PIP5K1A: variants seen among roughly 807,000 people sequenced by gnomAD.
PIP5K1A encodes the protein phosphatidylinositol 4-phosphate 5-kinase type-1 alpha.
Under a neutral mutation model 72.9 loss-of-function variants are expected in PIP5K1A, and 46 were observed. The ratio of observed to expected loss-of-function variants is 0.63; its 90% CI spans 0.50 to 0.81. PIP5K1A has a LOEUF of 0.81. Among genes scored for constraint, PIP5K1A ranks in the 30% least tolerant of loss-of-function variants. The probability of loss-of-function intolerance (pLI) is 0.00; values close to 1 mark genes in which losing one functional copy is unlikely to be tolerated. For synonymous variants in PIP5K1A, 228 were observed against 255.1 expected, an observed-to-expected ratio of 0.89 and a Z score of 1.01; for missense variants, 458 against 706.1, an observed-to-expected ratio of 0.65 and a Z score of 3.98.
intron 12 of PIP5K1A, among the ~76,000 whole-genome samples, chr1:151,241,062 C>G (rs1320226343): frequency 6.6e-6 from 1 of 152,084 alleles, no homozygotes; most frequent in African/African-American, 2.4e-5. Context: ...ACTCAGGAGG[C>G]TGAGGCAGGA....
At chr1:151,234,171 A>G in intron 7 of PIP5K1A, 26 bp from the exon 8 acceptor site, 10 of 1,556,878 alleles carry the variant, frequency 6.4e-6, no homozygotes, top group Non-Finnish European at 7.8e-6. Flanking sequence ...TTGTTCTCCT[A>G]CTTCTGTTTC....
chr1:151,207,932 T>C (rs926802771), intron 1 of PIP5K1A, among the ~76,000 whole-genome samples: 1 of 151,416 alleles, frequency 6.6e-6, no homozygotes, highest in Non-Finnish European at 1.5e-5. Context: ...TGGTGCGATC[T>C]TGGCTCACTG....
Position 151,198,617 on chromosome 1 carries a change from A to G in PIP5K1A, c.-380A>G, listed in dbSNP as rs1238362847. On this transcript the variant is annotated 5_prime_UTR_variant, in exon 1 of 16. Coordinates refer to ENST00000368888, the MANE Select transcript of PIP5K1A (RefSeq NM_001135638.2). The stretch of plus-strand genomic sequence containing the variant: ...GGCGATTAACAGGCCGTGGTTAGGA[A>G]GGACGGAGAAGGGGCGTTCGCTCCT... 1 of 227,304 alleles carries G rather than the reference A, an allele frequency of 4.4e-6. No individual in the cohort carries two copies. The highest frequency in any genetic ancestry group is 5.3e-5 in the Admixed American group (1 of 19,026). The allele number at this position is 227,304 out of a possible 1,614,324, so 14.1% of individuals were successfully genotyped here.
At chr1:151,229,672 T>C (rs1043197008) in intron 4 of PIP5K1A, among the ~76,000 whole-genome samples, 1 of 151,752 alleles carries the variant, frequency 6.6e-6, no homozygotes, top group African/African-American at 2.4e-5. Context: ...TTTAGCTCTT[T>C]TTATATGTTG....
intron 9 of PIP5K1A, among the ~76,000 whole-genome samples, chr1:151,237,076 C>T (rs904279045): frequency 1.3e-5 from 2 of 151,998 alleles, no homozygotes; most frequent in Admixed American, 6.6e-5. Context: ...GTGATCCACC[C>T]GCCTTGGCCT....
intron 1 of PIP5K1A, among the ~76,000 whole-genome samples, chr1:151,210,738 A>G (rs1424589601): frequency 1.3e-5 from 2 of 152,002 alleles, no homozygotes; most frequent in Non-Finnish European, 2.9e-5. Flanking sequence ...GGTGTGCGCC[A>G]CCATGCCCGG....
upstream of PIP5K1A, among the ~76,000 whole-genome samples, chr1:151,195,884 A>ATTT (rs1157195462): frequency 0.074 from 4,582 of 61,758 alleles, 1,749 homozygotes; most frequent in Non-Finnish European, 0.085. Context: ...ACACCAGCCG[A>ATTT]TTTTTTTTTT....
At position 151,248,290 on chromosome 1, in the gene PIP5K1A, A is replaced by G; in HGVS notation, c.*425A>G. 1 of 177,948 alleles carries G rather than the reference A, an allele frequency of 5.6e-6. No homozygotes were observed. The allele number at this position is 177,948 out of a possible 1,614,324, so 11.0% of individuals were successfully genotyped here. On this transcript the variant is annotated 3_prime_UTR_variant, in exon 16 of 16. Coordinates refer to ENST00000368888, the MANE Select transcript of PIP5K1A (RefSeq NM_001135638.2). ...ACAGACTAGCTGGCACATTATCCCT[A>G]CCTTAGTTCTTTCTCTCTGACTCCT...
chr1:151,204,425 CT>C (rs1040803202), intron 1 of PIP5K1A, among the ~76,000 whole-genome samples: 8 of 152,222 alleles, frequency 5.3e-5, no homozygotes, highest in Non-Finnish European at 1.5e-5. Context: ...GATCTGCCCA[CT>C]TCAGCCTCCC....
chr1:151,224,150 T>C (rs587683917), intron 1 of PIP5K1A, 95 bp from the exon 2 acceptor site: 60 of 1,087,750 alleles, frequency 5.5e-5, no homozygotes, highest in Non-Finnish European at 7.6e-5. Context: ...TTTATACTTA[T>C]GTTTAGTTTG....
At chr1:151,247,236 C>A (rs1399829218) in intron 15 of PIP5K1A, among the ~76,000 whole-genome samples, 2 of 151,678 alleles carry the variant, frequency 1.3e-5, no homozygotes, top group South Asian at 2.1e-4. Context: ...TCAAGCAGTT[C>A]TCCTGTCTCA....
At position 151,248,067 on chromosome 1, in the gene PIP5K1A, G is replaced by A. The variant is rs1692762303; in HGVS notation, c.*202G>A. 6 of 593,916 alleles carry A rather than the reference G, an allele frequency of 1.0e-5. No homozygotes were observed. The South Asian group carries it at 1.2e-4, about 12-fold the overall frequency. The allele number at this position is 593,916 out of a possible 1,614,324, so 36.8% of individuals were successfully genotyped here. A position where few individuals can be genotyped will look rare whatever the true frequency, so the allele number is the denominator to read the frequency against. ...CTCTTCCTCATGAATGGGCCTTAGT[G>A]CCTCAGAGAGTTGAGGACCGCAGCA... is the stretch of plus-strand genomic sequence containing the variant. On this transcript the variant is annotated 3_prime_UTR_variant, in exon 16 of 16. Transcript: ENST00000368888.
Position 151,199,005 on chromosome 1 carries a change from G to T in PIP5K1A, c.9G>T (p.Ser3=). The change falls in exon 1 of 16, where the codon TCG becomes TCT. Residue 3 remains serine, a synonymous_variant. Transcript: ENST00000368888. ...GGGAGGGGGCTGCTAAGATGGCGTC[G>T]GCCTCCTCCGGGCCGTCGTCTTCGG... MA[S]ASSGPSSSVG... 2.5e-6 allele frequency: 4 copies of T among 1,614,046 alleles called. No individual in the cohort carries two copies. Among genetic ancestry groups the T allele is most frequent in the Non-Finnish European group, 3.4e-6 (4 of 1,179,966 alleles).
At chr1:151,245,032 A>G (rs1692292291) in intron 14 of PIP5K1A, among the ~76,000 whole-genome samples, 1 of 150,316 alleles carries the variant, frequency 6.7e-6, no homozygotes, top group African/African-American at 2.5e-5. Context: ...GAGCCACCGT[A>G]TGTGGCCTGC....
chr1:151,241,144 C>G (rs1315800006), intron 12 of PIP5K1A, among the ~76,000 whole-genome samples: 1 of 151,660 alleles, frequency 6.6e-6, no homozygotes, highest in African/African-American at 2.4e-5. Context: ...GCCTGGGTGA[C>G]AAGAGAGGAA....
At chr1:151,209,159 A>T (rs138933471) in intron 1 of PIP5K1A, among the ~76,000 whole-genome samples, 1 of 152,098 alleles carries the variant, frequency 6.6e-6, no homozygotes, top group South Asian at 2.1e-4. Context: ...GCAGGCGTAT[A>T]GAGTGTCTTT....
In PIP5K1A at chr1:151,232,374, C is replaced by T. The variant is rs779204334; in HGVS notation, c.486+9C>T. 16 of 1,593,852 alleles carry T rather than the reference C, an allele frequency of 1.0e-5. No individual in the cohort carries two copies. The East Asian group carries it at 3.3e-4, about 33-fold the overall frequency. On this transcript the variant is annotated intron_variant, in intron 6 of 15. Coordinates refer to ENST00000368888, the MANE Select transcript of PIP5K1A (RefSeq NM_001135638.2). ...GGCCCGATGATTACTTGGTAAGCAT[C>T]TGGATATCAGGACACTGTGACTCCA...
At chr1:151,240,102 C>G in intron 12 of PIP5K1A, 63 bp downstream of exon 12, 2 of 1,197,992 alleles carry the variant, frequency 1.7e-6, no homozygotes, top group Non-Finnish European at 2.5e-6. Flanking sequence ...CCCAAGAGAA[C>G]AGAGGGCAGG....
intron 14 of PIP5K1A, among the ~76,000 whole-genome samples, chr1:151,245,545 C>T (rs1447173711): frequency 6.6e-6 from 1 of 152,128 alleles, no homozygotes; most frequent in African/African-American, 2.4e-5. Flanking sequence ...TGGTTCACTG[C>T]AGTCTCTGCC....
Sources: gnomAD v4.1 joint callset for allele counts (sites outside exome capture counted in the v4.1 genomes callset) on GRCh38, gnomAD v4.1.1 for gene constraint, MANE v1.5 for transcripts, NCBI Gene and HGNC (gene_info 2026-07-23, HGNC 2026-07-21) for gene names.